The following WWOX variants were observed in gnomAD, a reference collection of about 807,000 sequenced individuals.
The protein encoded by WWOX is WW domain-containing oxidoreductase.
Under a neutral mutation model 46.2 loss-of-function variants are expected in WWOX, and 69 were observed. The ratio of observed to expected loss-of-function variants is 1.49; its 90% confidence interval spans 1.23 to 1.82. The LOEUF is 1.82. Among genes scored for constraint, WWOX ranks in the 40% most tolerant of loss-of-function variants. WWOX has a pLI of 0.00. For synonymous variants in WWOX, 359 were observed against 202.6 expected, an observed-to-expected ratio of 1.77 and a Z score of -6.56; for missense variants, 919 against 542.6, an observed-to-expected ratio of 1.69 and a Z score of -6.89.
At chr16:78,409,146 C>G (rs2082615533) in intron 6 of WWOX, among the ~76,000 whole-genome samples, 1 of 152,066 alleles carries the variant, frequency 6.6e-6, no homozygotes, top group African/African-American at 2.4e-5. Context: ...TGGCTCACTC[C>G]AGGTAGGATG....
rs201516554 is a variant in WWOX at position 78,659,091 on chromosome 16, CAAA to C, written c.1056+226346_1056+226348del. ...TGGGCAATAGAGTGAGAATCCGTCTCAAAAAAAAACAAACAAACAAACAAAAAA... is the reference window on the plus strand; with the variant it reads ...TGGGCAATAGAGTGAGAATCCGTCTCAAAAAACAAACAAACAAACAAAAAA... On this transcript the variant is annotated intron_variant, in intron 8 of 8. Coordinates refer to ENST00000566780, the MANE Select transcript of WWOX (RefSeq NM_016373.4). Among the ~76,000 whole-genome samples, 440 of 138,950 alleles carry C rather than the reference CAAA, an allele frequency of 3.2e-3. 2 individuals are homozygous for C. Among genetic ancestry groups the C allele is most frequent in the African/African-American group, 0.011 (419 of 37,050 alleles). The allele number at this position is 138,950 out of a possible 152,430, so 91.2% of individuals were successfully genotyped here.
intron 8 of WWOX, among the ~76,000 whole-genome samples, chr16:78,488,648 G>A (rs1261381537): frequency 1.3e-5 from 2 of 152,106 alleles, no homozygotes; most frequent in African/African-American, 2.4e-5. Flanking sequence ...CTCATTAGGC[G>A]TCATCTGAGA....
intron 8 of WWOX, among the ~76,000 whole-genome samples, chr16:78,985,312 C>A (rs758466246): frequency 6.6e-6 from 1 of 152,176 alleles, no homozygotes; most frequent in Non-Finnish European, 1.5e-5. Context: ...CAGTTCAGCC[C>A]GTAAATCTGT....
At chr16:78,785,387 C>G (rs755169065) in intron 8 of WWOX, among the ~76,000 whole-genome samples, 1 of 152,164 alleles carries the variant, frequency 6.6e-6, no homozygotes, top group African/African-American at 2.4e-5. Flanking sequence ...TGTTTGAGGA[C>G]CCAAGGTGGT....
intron 8 of WWOX, among the ~76,000 whole-genome samples, chr16:78,738,349 G>A (rs61010632): frequency 0.028 from 4,244 of 152,162 alleles, 204 homozygotes; most frequent in African/African-American, 0.097. Context: ...TAATAATTAG[G>A]CATAAAATCA....
At chr16:78,622,667 T>G (rs758919558) in intron 8 of WWOX, among the ~76,000 whole-genome samples, 4 of 110,434 alleles carry the variant, frequency 3.6e-5, no homozygotes, top group African/African-American at 1.4e-4. Flanking sequence ...TCCCCCACCT[T>G]GAATGTAGGT....
chr16:78,465,706 C>T (rs768539039), intron 8 of WWOX, among the ~76,000 whole-genome samples: 1 of 152,152 alleles, frequency 6.6e-6, no homozygotes, highest in Non-Finnish European at 1.5e-5. Context: ...AGCATATTTC[C>T]TTTTAATTGC....
intron 5 of WWOX, among the ~76,000 whole-genome samples, chr16:78,226,050 A>T (rs527748976): frequency 6.6e-6 from 1 of 152,194 alleles, no homozygotes; most frequent in African/African-American, 2.4e-5. Flanking sequence ...AAAACTTGGC[A>T]TGTTGGCTCA....
chr16:78,902,875 G>C (rs952088573), intron 8 of WWOX, among the ~76,000 whole-genome samples: 2 of 152,166 alleles, frequency 1.3e-5, no homozygotes, highest in African/African-American at 4.8e-5. Flanking sequence ...AAATACAAGG[G>C]AAAAGACAGC....
chr16:79,163,071 C>T (rs921253028), intron 8 of WWOX, among the ~76,000 whole-genome samples: 1 of 152,184 alleles, frequency 6.6e-6, no homozygotes, highest in Admixed American at 6.5e-5. Flanking sequence ...AGGATGAGGC[C>T]TCTTTGTCAA....
chr16:78,381,115 T>C (rs2081946912), intron 5 of WWOX, among the ~76,000 whole-genome samples: 1 of 152,204 alleles, frequency 6.6e-6, no homozygotes, highest in Admixed American at 6.5e-5. Context: ...CTCTGGTGTC[T>C]TTGCTGCAAT....
chr16:78,972,479 A>T (rs1261740304), intron 8 of WWOX, among the ~76,000 whole-genome samples: 2 of 151,158 alleles, frequency 1.3e-5, no homozygotes, highest in Non-Finnish European at 2.9e-5. Flanking sequence ...TGAAAAAAAA[A>T]AAAAATAAAA....
At chr16:78,757,326 ACC>A (rs1447516735) in intron 8 of WWOX, among the ~76,000 whole-genome samples, 2 of 43,248 alleles carry the variant, frequency 4.6e-5, no homozygotes, top group Non-Finnish European at 1.0e-4. Flanking sequence ...CTTACCACCT[ACC>A]CCAGCACCCC....
chr16:78,833,375 T>A (rs2051885491), intron 8 of WWOX, among the ~76,000 whole-genome samples: 1 of 152,054 alleles, frequency 6.6e-6, no homozygotes, highest in Non-Finnish European at 1.5e-5. Flanking sequence ...GCATACAGCT[T>A]GTTTCTCTAA....
At chr16:79,203,832 G>T (rs190743240) in intron 8 of WWOX, 2 of 152,224 alleles carry the variant, frequency 1.3e-5, no homozygotes, top group East Asian at 3.9e-4. Context: ...TGTAGATGGC[G>T]AATACAGATG....
At chr16:78,897,199 G>C (rs1457947653) in intron 8 of WWOX, 1 of 126,934 alleles carries the variant, frequency 7.9e-6, no homozygotes, top group Non-Finnish European at 1.6e-5. Flanking sequence ...AGCCAAGATG[G>C]CACTGCTGCA....
At chr16:78,677,096 A>C (rs969527915) in intron 8 of WWOX, among the ~76,000 whole-genome samples, 1 of 151,406 alleles carries the variant, frequency 6.6e-6, no homozygotes, top group Non-Finnish European at 1.5e-5. Flanking sequence ...TTTGCATTCA[A>C]ATTCTCGTAG....
At chr16:79,048,281 C>T (rs903470917) in intron 8 of WWOX, among the ~76,000 whole-genome samples, 2 of 152,070 alleles carry the variant, frequency 1.3e-5, no homozygotes, top group Admixed American at 6.5e-5. Flanking sequence ...TGAACCTCTC[C>T]ATCCTTGCAA....
intron 8 of WWOX, among the ~76,000 whole-genome samples, chr16:78,442,315 A>T (rs1043937319): frequency 5.9e-5 from 9 of 152,138 alleles, no homozygotes; most frequent in Non-Finnish European, 1.3e-4. Context: ...TTTCAAGTAT[A>T]TAATACGTTA....
Sources: gnomAD v4.1 joint callset for allele counts (sites outside exome capture counted in the v4.1 genomes callset) on GRCh38, gnomAD v4.1.1 for gene constraint, MANE v1.5 for transcripts, NCBI Gene and HGNC (gene_info 2026-07-23, HGNC 2026-07-21) for gene names.